Variants in AGXT2 observed in about 807,000 individuals in gnomAD.
AGXT2 encodes the protein alanine--glyoxylate aminotransferase 2, mitochondrial.
AGXT2 carries 61 observed loss-of-function variants against 62.5 expected under a neutral mutation model. The ratio of observed to expected loss-of-function variants is 0.98; its 90% CI spans 0.79 to 1.21. The LOEUF (loss-of-function observed/expected upper bound fraction) is 1.21. AGXT2 is among the 50% of genes most tolerant of loss of function. The pLI is 0.00. For missense variants in AGXT2, 666 were observed against 641.5 expected (o/e 1.04, Z -0.41); for synonymous variants, 243 against 218.7 (o/e 1.11, Z -0.98).
intron 7 of AGXT2, among the ~76,000 whole-genome samples, chr5:35,028,917 C>T (rs1303364206): frequency 6.6e-6 from 1 of 152,160 alleles, no homozygotes; most frequent in Non-Finnish European, 1.5e-5. Context: ...ACAGAAGGAA[C>T]AGAAACCTTC....
intron 9 of AGXT2, among the ~76,000 whole-genome samples, chr5:35,022,480 A>T (rs1767145614): frequency 6.6e-6 from 1 of 150,976 alleles, no homozygotes; most frequent in Admixed American, 6.6e-5. Context: ...AGAACAAAAA[A>T]CCAAGCACCG....
intron 12 of AGXT2, among the ~76,000 whole-genome samples, chr5:35,008,546 G>C (rs2112182212): frequency 6.6e-6 from 1 of 152,320 alleles, no homozygotes; most frequent in South Asian, 2.1e-4. Context: ...AATACGTTAT[G>C]ACTTGTGAGC....
chr5:35,025,407 A>G lies in AGXT2; in HGVS notation c.963+356T>C, dbSNP rs559030338. On this transcript the variant is annotated intron_variant, in intron 9 of 13. Transcript: ENST00000231420. ...AACCAAACAAATAAAAACAACAAAA[A>G]CCTTGGCTATGAGATTAAATTTCCT... Among the ~76,000 whole-genome samples, 3 of 152,178 alleles carry G rather than the reference A, an allele frequency of 2.0e-5. No individual in the cohort carries two copies. The South Asian group carries it at 6.2e-4, about 32-fold the overall frequency.
At chr5:35,035,071 T>G (rs1392295717) in intron 5 of AGXT2, 151 bp downstream of exon 5, 1 of 768,564 alleles carries the variant, frequency 1.3e-6, no homozygotes, top group African/African-American at 1.7e-5. Flanking sequence ...TGTCATAAAA[T>G]TCAATTGACC....
intron 1 of AGXT2, among the ~76,000 whole-genome samples, chr5:35,043,181 C>T (rs570686917): frequency 6.6e-6 from 1 of 152,034 alleles, no homozygotes; most frequent in South Asian, 2.1e-4. Flanking sequence ...TGAGAAAAAT[C>T]AAATTTTTTT....
At chr5:35,033,587 A>G (rs138574517) in intron 5 of AGXT2, 34 bp from the exon 6 acceptor site, 2 of 1,556,780 alleles carry the variant, frequency 1.3e-6, no homozygotes, top group African/African-American at 2.7e-5. Flanking sequence ...GATGGGGTCA[A>G]GTTCCTGGTC....
chr5:35,035,197 G>A (rs1767713890), intron 5 of AGXT2, 25 bp downstream of exon 5: 1 of 1,599,328 alleles, frequency 6.3e-7, no homozygotes, highest in Non-Finnish European at 8.6e-7. Context: ...TGTTCCTAAA[G>A]TTGAATATTC....
At position 35,014,041 on chromosome 5, in the gene AGXT2, T is replaced by C; in HGVS notation, c.1042A>G (p.Met348Val). The change falls in exon 10 of 14, where the codon ATG (methionine) becomes GTG (valine). Residue 348 changes from methionine to valine, a missense_variant. Physicochemically the swap from Met to Val is conservative, Grantham distance 21. Coordinates refer to ENST00000231420, the MANE Select transcript of AGXT2 (RefSeq NM_031900.4). ...AAGCCATTCCCAATCCCTTTAGCCA[T>C]GGTGACAATGTCAGGCAGGACATCG... ...THDVLPDIVTMAKGIGNGFPM... is the reference protein window; with the variant it reads ...THDVLPDIVTVAKGIGNGFPM... 4 of 1,614,150 alleles carry C rather than the reference T, an allele frequency of 2.5e-6. No individual in the cohort carries two copies. Among genetic ancestry groups the C allele is most frequent in the Non-Finnish European group, 3.4e-6 (4 of 1,180,036 alleles).
rs1227563885 is a variant in AGXT2 at position 35,032,840 on chromosome 5, A to G, written c.676-15T>C. 1 of 1,590,890 alleles carries G rather than the reference A, an allele frequency of 6.3e-7. No homozygotes were observed. The highest frequency in any genetic ancestry group is 8.6e-7 in the Non-Finnish European group (1 of 1,166,392). On this transcript the variant is annotated splice_polypyrimidine_tract_variant and intron_variant, in intron 6 of 13. Transcript: ENST00000231420. ...GGACACATTGTCTGCAAATGACAAAAGAAGGAGTGTGGCAAAGCATGAACA... is the reference window on the plus strand; with the variant it reads ...GGACACATTGTCTGCAAATGACAAAGGAAGGAGTGTGGCAAAGCATGAACA...
chr5:35,031,110 C>T (rs1486938147), intron 7 of AGXT2, among the ~76,000 whole-genome samples: 10 of 152,114 alleles, frequency 6.6e-5, no homozygotes, highest in Non-Finnish European at 1.2e-4. Flanking sequence ...AATAGGAATG[C>T]TTTTTCAGCT....
At position 35,010,129 on chromosome 5, in the gene AGXT2, T is replaced by C. The variant is rs1349700565; in HGVS notation, c.1209A>G (p.Leu403=). The C allele has an allele frequency of 6.2e-7, 1 of 1,614,256 alleles. No homozygotes were observed. The highest frequency in any genetic ancestry group is 8.5e-7 in the Non-Finnish European group (1 of 1,180,044). Residue 403 remains leucine, a synonymous_variant, in exon 12 of 14, where the codon CTA becomes CTG. Coordinates refer to ENST00000231420, the MANE Select transcript of AGXT2 (RefSeq NM_031900.4). ...AVLEVIKEEN[L]QENSQEVGTY... ...TCCCAACTTCTTGACTGTTTTCCTG[T>C]AGATTTTCTTCTTTAATCACCTGTT... is the stretch of plus-strand genomic sequence containing the variant.
chr5:35,011,317 G>A (rs886128306), intron 11 of AGXT2, among the ~76,000 whole-genome samples: 2 of 152,024 alleles, frequency 1.3e-5, no homozygotes, highest in African/African-American at 4.8e-5. Context: ...AAAGTTAGTT[G>A]GGCATGGTGG....
intron 5 of AGXT2, among the ~76,000 whole-genome samples, chr5:35,034,739 T>C (rs1290624511): frequency 6.6e-6 from 1 of 152,238 alleles, no homozygotes; most frequent in Non-Finnish European, 1.5e-5. Flanking sequence ...GGTTATATGT[T>C]CATCCTCTGA....
chr5:35,027,134 A>G (rs1006188115), intron 7 of AGXT2: 12 of 458,050 alleles, frequency 2.6e-5, no homozygotes, highest in Middle Eastern at 1.1e-3. Flanking sequence ...GGCAGGGACT[A>G]TACTTTGTTC....
chr5:35,003,951 G>T lies in AGXT2; in HGVS notation c.1339-90C>A, dbSNP rs1017550644. 11 of 1,133,886 alleles carry T rather than the reference G, an allele frequency of 9.7e-6. No individual in the cohort carries two copies. The Admixed American group carries it at 1.6e-4, about 16-fold the overall frequency. The allele number at this position is 1,133,886 out of a possible 1,614,324, so 70.2% of individuals were successfully genotyped here. A position where few individuals can be genotyped will look rare whatever the true frequency, so the allele number is the denominator to read the frequency against. On this transcript the variant is annotated intron_variant, in intron 12 of 13. Coordinates refer to ENST00000231420, the MANE Select transcript of AGXT2 (RefSeq NM_031900.4). ...GAGAGGAAAAAAGAAAAACCCTTCAGCCATCAATGCCCCTCTTTTTTTTCT... is the reference window on the plus strand; with the variant it reads ...GAGAGGAAAAAAGAAAAACCCTTCATCCATCAATGCCCCTCTTTTTTTTCT...
chr5:35,047,286 A>G (rs1768264932), intron 1 of AGXT2, among the ~76,000 whole-genome samples: 1 of 152,162 alleles, frequency 6.6e-6, no homozygotes, highest in African/African-American at 2.4e-5. Context: ...AAAAGTTAAA[A>G]AAGAAAAATA....
rs988759920 is a variant in AGXT2 at position 35,039,506 on chromosome 5, G to A, written c.180C>T (p.Ser60=). 6.8e-6 allele frequency: 11 copies of A among 1,613,476 alleles called. No individual in the cohort carries two copies. In the African/African-American group the frequency reaches 8.0e-5, roughly 12 times the overall value. The change falls in exon 3 of 14, where the codon TCC becomes TCT. Residue 60 remains serine (S), a splice_region_variant and synonymous_variant. Transcript: ENST00000231420. ...PCDFMPERYQ[S]LGYNRVLEIH... Reference sequence around the variant, plus strand: ...TTTCCAGGACACGGTTGTAGCCAAGGGACTGTAGATAAACAAGATTTAAAC... The same window carrying A: ...TTTCCAGGACACGGTTGTAGCCAAGAGACTGTAGATAAACAAGATTTAAAC...
intron 6 of AGXT2, 190 bp from the exon 7 acceptor site, chr5:35,033,015 C>T (rs2112265233): frequency 4.9e-6 from 3 of 611,490 alleles, no homozygotes; most frequent in African/African-American, 3.6e-5. Context: ...TATGTGGGCC[C>T]TCTACAAAGG....
chr5:35,002,112 A>G (rs1222397714), intron 13 of AGXT2, among the ~76,000 whole-genome samples: 1 of 152,204 alleles, frequency 6.6e-6, no homozygotes, highest in Non-Finnish European at 1.5e-5. Flanking sequence ...GCAAGTACAC[A>G]AGTATCTCAT....
Sources: gnomAD v4.1 joint callset for allele counts (sites outside exome capture counted in the v4.1 genomes callset) on GRCh38, gnomAD v4.1.1 for gene constraint, MANE v1.5 for transcripts, NCBI Gene and HGNC (gene_info 2026-07-23, HGNC 2026-07-21) for gene names.